UBE2H: variants seen among roughly 807,000 people sequenced by gnomAD.
UBE2H encodes ubiquitin conjugating enzyme E2 H, also known as ubiquitin-conjugating enzyme E2 H.
Under a neutral mutation model 29.0 loss-of-function variants are expected in UBE2H, and 3 were observed. That is an observed-to-expected ratio of 0.10 (90% CI 0.05 to 0.27). The LOEUF is 0.27. UBE2H is among the 10% of genes least tolerant of loss of function. The probability of loss-of-function intolerance (pLI) is 1.00; values close to 1 mark genes in which losing one functional copy is unlikely to be tolerated. For missense variants in UBE2H, 68 were observed against 228.2 expected (o/e 0.30, Z 4.52); for synonymous variants, 69 against 82.9 (o/e 0.83, Z 0.91).
At chr7:129,863,724 C>T (rs1250086573) in intron 3 of UBE2H, among the ~76,000 whole-genome samples, 2 of 151,876 alleles carry the variant, frequency 1.3e-5, no homozygotes, top group Non-Finnish European at 2.9e-5. Context: ...ATAACCTTGC[C>T]TTTGAGGGAT....
intron 1 of UBE2H, among the ~76,000 whole-genome samples, chr7:129,944,750 A>ACACACG (rs1491035024): frequency 9.9e-5 from 12 of 121,382 alleles, no homozygotes; most frequent in East Asian, 2.3e-4. Context: ...ACACACACAC[A>ACACACG]CGCACGCACG....
intron 5 of UBE2H, among the ~76,000 whole-genome samples, chr7:129,852,403 C>A (rs531026241): frequency 1.9e-4 from 29 of 151,972 alleles, no homozygotes; most frequent in Non-Finnish European, 3.5e-4. Flanking sequence ...GGAGGCGGAG[C>A]TCGCAGTGAA....
chr7:129,871,803 A>T (rs1445400853), intron 3 of UBE2H, among the ~76,000 whole-genome samples: 2 of 152,032 alleles, frequency 1.3e-5, no homozygotes, highest in Admixed American at 1.3e-4. Context: ...CGGTTATTAG[A>T]GAAGTACACA....
In UBE2H at chr7:129,952,494, G is replaced by A. The variant is rs528667851; in HGVS notation, c.53+9C>T. 95 of 1,612,010 alleles carry A rather than the reference G, an allele frequency of 5.9e-5. 1 individual carries two copies. In the South Asian group the frequency reaches 7.4e-4, roughly 13 times the overall value. ...ACACACAGCCCGAATTCCCCTCCAC[G>A]AAGGATACAGCTTGACCACGTCCGT... On this transcript the variant is annotated intron_variant, in intron 1 of 6. Transcript: ENST00000355621.
chr7:129,859,845 A>G (rs918563818), intron 3 of UBE2H, among the ~76,000 whole-genome samples: 1 of 151,940 alleles, frequency 6.6e-6, no homozygotes, highest in Admixed American at 6.6e-5. Context: ...CACCACCACT[A>G]TCTCCGACCC....
chr7:129,921,050 G>A (rs373525361), intron 1 of UBE2H, among the ~76,000 whole-genome samples: 4 of 151,288 alleles, frequency 2.6e-5, no homozygotes, highest in Admixed American at 1.3e-4. Flanking sequence ...TATATTACAC[G>A]TGATTTTTTT....
At chr7:129,886,767 T>TTTTTTTTGG (rs1554435104) in intron 1 of UBE2H, among the ~76,000 whole-genome samples, 5,294 of 72,014 alleles carry the variant, frequency 0.074, 274 homozygotes, top group African/African-American at 0.16. Flanking sequence ...TGTTTTTTGG[T>TTTTTTTTGG]AAAAAAAAAA....
rs1805266837 is a variant in UBE2H at position 129,833,437 on chromosome 7, C to CACAGAGCT, written c.*1492_*1499dup. Reference sequence around the variant, plus strand: ...CTTATTGGCTGCGGCAAAAAAAGAACACAGAGCTGCTGTCTAAAATTTCTC... The same window carrying CACAGAGCT: ...CTTATTGGCTGCGGCAAAAAAAGAACACAGAGCTACAGAGCTGCTGTCTAAAATTTCTC... On this transcript the variant is annotated 3_prime_UTR_variant, in exon 7 of 7. Coordinates refer to ENST00000355621, the MANE Select transcript of UBE2H (RefSeq NM_003344.4). The CACAGAGCT allele has an allele frequency of 2.0e-5, 3 of 152,194 alleles. No individual in the cohort carries two copies. The allele number at this position is 152,194 out of a possible 1,614,324, so 9.4% of individuals were successfully genotyped here.
At chr7:129,840,035 C>T (rs909022747) in intron 5 of UBE2H, among the ~76,000 whole-genome samples, 1 of 152,126 alleles carries the variant, frequency 6.6e-6, no homozygotes, top group African/African-American at 2.4e-5. Flanking sequence ...TAGGACTTGA[C>T]ATTTAATTCA....
Position 129,834,784 on chromosome 7 carries a change from A to G in UBE2H, c.*153T>C. 1.1e-6 allele frequency: 1 copy of G among 877,206 alleles called. No individual in the cohort carries two copies. 54.3% of individuals were successfully genotyped at this position (877,206 alleles called of 1,614,324 possible). ...GAAATGACCAAGAAATCAAGATCTAAAGGGTGATATATAATATATATATAT... is the reference window on the plus strand; with the variant it reads ...GAAATGACCAAGAAATCAAGATCTAGAGGGTGATATATAATATATATATAT... On this transcript the variant is annotated 3_prime_UTR_variant, in exon 7 of 7. Coordinates refer to ENST00000355621, the MANE Select transcript of UBE2H (RefSeq NM_003344.4).
At chr7:129,906,209 TTTC>T (rs1348723013) in intron 1 of UBE2H, among the ~76,000 whole-genome samples, 58 of 143,036 alleles carry the variant, frequency 4.1e-4, no homozygotes, top group Non-Finnish European at 6.7e-4. Context: ...TTTTTTTTTC[TTTC>T]TTTTTTTTTT....
intron 5 of UBE2H, among the ~76,000 whole-genome samples, chr7:129,853,769 A>G (rs552357453): frequency 2.0e-5 from 3 of 152,168 alleles, no homozygotes; most frequent in Non-Finnish European, 4.4e-5. Context: ...ACAGAGGACT[A>G]AATTTACTGC....
intron 1 of UBE2H, among the ~76,000 whole-genome samples, chr7:129,929,999 C>T (rs1807354872): frequency 6.6e-6 from 1 of 151,996 alleles, no homozygotes; most frequent in African/African-American, 2.4e-5. Context: ...GACAAAGACT[C>T]CATCTCAAAA....
chr7:129,866,007 CA>C (rs1292472913), intron 3 of UBE2H, among the ~76,000 whole-genome samples: 1 of 152,190 alleles, frequency 6.6e-6, no homozygotes, highest in Non-Finnish European at 1.5e-5. Flanking sequence ...CAGGAGTCCA[CA>C]ATCTGATAGA....
intron 1 of UBE2H, among the ~76,000 whole-genome samples, chr7:129,942,430 T>G (rs2116519994): frequency 6.6e-6 from 1 of 152,198 alleles, no homozygotes; most frequent in African/African-American, 2.4e-5. Flanking sequence ...GAGGTCGCAG[T>G]GAGCCGAGAT....
intron 1 of UBE2H, among the ~76,000 whole-genome samples, chr7:129,921,564 T>C (rs1281495403): frequency 6.6e-6 from 1 of 151,938 alleles, no homozygotes; most frequent in East Asian, 1.9e-4. Flanking sequence ...CCAGGCATGG[T>C]GGCACACGTC....
chr7:129,901,616 C>CT (rs1401183752), intron 1 of UBE2H, among the ~76,000 whole-genome samples: 1 of 152,142 alleles, frequency 6.6e-6, no homozygotes, highest in South Asian at 2.1e-4. Flanking sequence ...ATGACACTTT[C>CT]TTTTTTTGAG....
At chr7:129,853,470 TTC>T (rs1805645470) in intron 5 of UBE2H, among the ~76,000 whole-genome samples, 1 of 152,214 alleles carries the variant, frequency 6.6e-6, no homozygotes, top group South Asian at 2.1e-4. Context: ...ATCTGCTACT[TTC>T]TGTTTAATGT....
intron 1 of UBE2H, among the ~76,000 whole-genome samples, chr7:129,894,260 C>T (rs1806556710): frequency 6.6e-6 from 1 of 152,122 alleles, no homozygotes; most frequent in Admixed American, 6.5e-5. Context: ...CTGATACCAG[C>T]TTGGGCAATA....
Sources: allele counts gnomAD v4.1 joint callset (sites outside exome capture counted in the v4.1 genomes callset), GRCh38; gene constraint gnomAD v4.1.1; transcripts MANE v1.5; gene names NCBI Gene and HGNC (gene_info 2026-07-23, HGNC 2026-07-21).